MAGI2: variants seen among roughly 807,000 people sequenced by gnomAD.
MAGI2 encodes membrane associated guanylate kinase, WW and PDZ domain containing 2.
MAGI2 carries 35 observed loss-of-function variants against 133.3 expected under a neutral mutation model. The ratio of observed to expected loss-of-function variants is 0.26; its 90% CI spans 0.20 to 0.35. The LOEUF (loss-of-function observed/expected upper bound fraction) is 0.35. Ranked by LOEUF, MAGI2 falls within the 10% of genes least tolerant of loss-of-function variation. MAGI2 has a pLI of 1.00. For synonymous variants in MAGI2, 729 were observed against 710.6 expected (o/e 1.03, Z -0.41); for missense variants, 1,636 against 1,863.4 (o/e 0.88, Z 2.25).
At chr7:79,393,279 A>G (rs545006632) in intron 1 of MAGI2, among the ~76,000 whole-genome samples, 181 of 152,212 alleles carry the variant, frequency 1.2e-3, no homozygotes, top group Non-Finnish European at 2.3e-3. Context: ...GAGAGACTGC[A>G]TAAGTAAAAT....
chr7:78,381,743 A>ATATTGAGACATCATTCTC (rs1794941504), intron 6 of MAGI2, among the ~76,000 whole-genome samples: 1 of 152,176 alleles, frequency 6.6e-6, no homozygotes, highest in Non-Finnish European at 1.5e-5. Flanking sequence ...AATTAACACT[A>ATATTGAGACATCATTCTC]TATTGAGACA....
intron 9 of MAGI2, among the ~76,000 whole-genome samples, chr7:78,282,659 G>C (rs976561180): frequency 2.0e-5 from 3 of 151,934 alleles, no homozygotes; most frequent in African/African-American, 7.3e-5. Flanking sequence ...TTTGTACTTA[G>C]GTAATAAATA....
At chr7:78,713,732 A>T (rs1819431312) in intron 2 of MAGI2, among the ~76,000 whole-genome samples, 1 of 152,200 alleles carries the variant, frequency 6.6e-6, no homozygotes, top group African/African-American at 2.4e-5. Context: ...ATAGTATCAC[A>T]AAAGGAGGTA....
At chr7:78,395,678 AAG>A (rs1796283093) in intron 6 of MAGI2, among the ~76,000 whole-genome samples, 1 of 152,230 alleles carries the variant, frequency 6.6e-6, no homozygotes. Context: ...ATGCTACTCT[AAG>A]AGAAAGGTTC....
intron 6 of MAGI2, among the ~76,000 whole-genome samples, chr7:78,476,048 C>T (rs12705481): frequency 0.13 from 18,985 of 151,786 alleles, 1,526 homozygotes; most frequent in South Asian, 0.22. Context: ...TCTTTGAAAA[C>T]TGGGTTCAGA....
chr7:78,087,607 T>C (rs1036704883), intron 20 of MAGI2, among the ~76,000 whole-genome samples: 2 of 152,156 alleles, frequency 1.3e-5, no homozygotes, highest in Admixed American at 6.5e-5. Context: ...TTTCTGGAAA[T>C]ATCATTGAGA....
chr7:79,042,471 T>A (rs534970018), intron 1 of MAGI2, among the ~76,000 whole-genome samples: 1 of 152,184 alleles, frequency 6.6e-6, no homozygotes, highest in Non-Finnish European at 1.5e-5. Flanking sequence ...GGGTCTTGCT[T>A]CTTTATCCAA....
At chr7:78,388,889 C>A (rs1369930490) in intron 6 of MAGI2, among the ~76,000 whole-genome samples, 1 of 152,060 alleles carries the variant, frequency 6.6e-6, no homozygotes, top group East Asian at 1.9e-4. Context: ...CGTGAAATAA[C>A]AACTATAATT....
chr7:78,602,991 C>G (rs553949813), intron 3 of MAGI2, among the ~76,000 whole-genome samples: 2 of 152,076 alleles, frequency 1.3e-5, no homozygotes, highest in Admixed American at 6.6e-5. Flanking sequence ...AAGAGAAATA[C>G]GATCAAAGCT....
chr7:78,403,413 G>T (rs534933517), intron 6 of MAGI2, among the ~76,000 whole-genome samples: 1 of 152,240 alleles, frequency 6.6e-6, no homozygotes, highest in African/African-American at 2.4e-5. Context: ...TGGACATTTG[G>T]GTTGGTTCCA....
chr7:78,165,884 T>A (rs1437020823), intron 15 of MAGI2, among the ~76,000 whole-genome samples: 1 of 152,220 alleles, frequency 6.6e-6, no homozygotes, highest in African/African-American at 2.4e-5. Context: ...GCCTGTTTTT[T>A]AAATCTTTTC....
At chr7:79,028,227 A>ATATG (rs1288954422) in intron 1 of MAGI2, among the ~76,000 whole-genome samples, 4 of 51,806 alleles carry the variant, frequency 7.7e-5, no homozygotes, top group South Asian at 6.5e-4. Flanking sequence ...ATATATATAT[A>ATATG]TATGTATGTA....
chr7:79,068,572 T>G (rs1349869703), intron 1 of MAGI2, among the ~76,000 whole-genome samples: 1 of 152,210 alleles, frequency 6.6e-6, no homozygotes, highest in Non-Finnish European at 1.5e-5. Flanking sequence ...GAAGGGTTTT[T>G]TGTGTGTGTA....
chr7:78,887,780 C>G (rs933145633), intron 2 of MAGI2, among the ~76,000 whole-genome samples: 21 of 152,224 alleles, frequency 1.4e-4, no homozygotes, highest in African/African-American at 4.6e-4. Flanking sequence ...CGAACAGCAC[C>G]AGTCTACAGC....
intron 3 of MAGI2, among the ~76,000 whole-genome samples, chr7:78,557,910 A>G (rs1307284805): frequency 6.6e-6 from 1 of 152,178 alleles, no homozygotes. Flanking sequence ...TCATCTCTAT[A>G]AAGTCATCCT....
At chr7:78,022,945 T>G (rs540706668) in intron 21 of MAGI2, among the ~76,000 whole-genome samples, 2 of 152,350 alleles carry the variant, frequency 1.3e-5, no homozygotes, top group African/African-American at 4.8e-5. Context: ...TCCAAGTCAC[T>G]ATGGGTTAAA....
intron 15 of MAGI2, among the ~76,000 whole-genome samples, chr7:78,166,959 G>A (rs570779268): frequency 4.5e-4 from 68 of 152,246 alleles, no homozygotes; most frequent in African/African-American, 1.1e-3. Flanking sequence ...ACCTCTGGGC[G>A]TCAGTTTCTT....
At chr7:78,461,385 T>TGTGTGC (rs1325716380) in intron 6 of MAGI2, among the ~76,000 whole-genome samples, 3 of 121,146 alleles carry the variant, frequency 2.5e-5, no homozygotes, top group African/African-American at 9.8e-5. Context: ...CCTGGACACG[T>TGTGTGC]GTGTGTGCGT....
chr7:79,215,119 G>T (rs890204783), intron 1 of MAGI2, among the ~76,000 whole-genome samples: 2 of 151,654 alleles, frequency 1.3e-5, no homozygotes, highest in Admixed American at 6.6e-5. Flanking sequence ...GAGGACATCA[G>T]ATATGCCTCA....
Sources: gnomAD v4.1 joint callset for allele counts (sites outside exome capture counted in the v4.1 genomes callset) on GRCh38, gnomAD v4.1.1 for gene constraint, MANE v1.5 for transcripts, NCBI Gene and HGNC (gene_info 2026-07-23, HGNC 2026-07-21) for gene names.